CNTNAP5: variants seen among roughly 807,000 people sequenced by gnomAD.
The protein encoded by CNTNAP5 is contactin-associated protein-like 5.
A neutral mutation model predicts 150.2 loss-of-function variants in CNTNAP5; 72 were observed. That is an observed-to-expected ratio of 0.48 (90% CI 0.40 to 0.58). The LOEUF is 0.58. CNTNAP5 is among the 20% of genes least tolerant of loss of function. CNTNAP5 has a pLI of 0.00. For missense variants in CNTNAP5, 1,636 were observed against 1,626.2 expected (o/e 1.01, Z -0.10); for synonymous variants, 672 against 619.8 (o/e 1.08, Z -1.25).
At chr2:124,090,695 G>A (rs987020007) in intron 1 of CNTNAP5, among the ~76,000 whole-genome samples, 1 of 152,116 alleles carries the variant, frequency 6.6e-6, no homozygotes, top group African/African-American at 2.4e-5. Context: ...AAAGAAGAAG[G>A]AAGTAGGTAT....
intron 6 of CNTNAP5, among the ~76,000 whole-genome samples, chr2:124,465,978 A>C (rs77621012): frequency 6.6e-6 from 1 of 151,772 alleles, no homozygotes; most frequent in East Asian, 1.9e-4. Flanking sequence ...GAGAAGAGAC[A>C]AAAAAAAGTC....
intron 1 of CNTNAP5, among the ~76,000 whole-genome samples, chr2:124,147,033 C>A (rs1436414549): frequency 6.6e-6 from 1 of 152,038 alleles, no homozygotes; most frequent in Non-Finnish European, 1.5e-5. Flanking sequence ...GCATTTATAA[C>A]AAGTACTCTA....
chr2:124,087,064 A>G (rs1357331462), intron 1 of CNTNAP5, among the ~76,000 whole-genome samples: 1 of 151,838 alleles, frequency 6.6e-6, no homozygotes, highest in Non-Finnish European at 1.5e-5. Context: ...CAGTCTGAAT[A>G]AAATACAGAA....
intron 4 of CNTNAP5, among the ~76,000 whole-genome samples, chr2:124,419,149 A>AC (rs1190723866): frequency 6.6e-5 from 9 of 137,082 alleles, no homozygotes; most frequent in East Asian, 2.0e-4. Context: ...TCAAAAAAAA[A>AC]AAAAAAAAAA....
chr2:124,825,377 A>G (rs1456697183), intron 19 of CNTNAP5, among the ~76,000 whole-genome samples: 2 of 152,108 alleles, frequency 1.3e-5, no homozygotes, highest in Non-Finnish European at 1.5e-5. Flanking sequence ...GGATGTTTCT[A>G]TGTAATTATT....
At chr2:124,382,206 G>A (rs1690812946) in intron 3 of CNTNAP5, among the ~76,000 whole-genome samples, 2 of 152,140 alleles carry the variant, frequency 1.3e-5, no homozygotes, top group African/African-American at 2.4e-5. Context: ...GCTAGAATGA[G>A]CACTTGGCTT....
chr2:124,659,216 T>G (rs536582687), intron 13 of CNTNAP5, among the ~76,000 whole-genome samples: 1 of 152,360 alleles, frequency 6.6e-6, no homozygotes, highest in African/African-American at 2.4e-5. Context: ...GGGGTGCCTT[T>G]CTGAACATAA....
intron 13 of CNTNAP5, among the ~76,000 whole-genome samples, chr2:124,698,173 A>C (rs1313550152): frequency 6.6e-6 from 1 of 152,164 alleles, no homozygotes; most frequent in Non-Finnish European, 1.5e-5. Flanking sequence ...GCAGCATGCA[A>C]AATGGGTTTG....
At chr2:124,512,264 G>A (rs1429156767) in intron 8 of CNTNAP5, among the ~76,000 whole-genome samples, 2 of 152,014 alleles carry the variant, frequency 1.3e-5, no homozygotes, top group Admixed American at 1.3e-4. Flanking sequence ...GATGCACAGT[G>A]TACTGCCCTG....
chr2:124,178,071 TCCTGACCTTACGTGATCCA>T (rs1685111775), intron 1 of CNTNAP5, among the ~76,000 whole-genome samples: 1 of 152,110 alleles, frequency 6.6e-6, no homozygotes. Flanking sequence ...GGTCTCGAAC[TCCTGACCTTACGTGATCCA>T]CCCGCCTCGG....
chr2:124,891,938 G>A (rs1233342518), intron 21 of CNTNAP5, among the ~76,000 whole-genome samples: 3 of 152,038 alleles, frequency 2.0e-5, no homozygotes, highest in Non-Finnish European at 4.4e-5. Context: ...TCACAATTAT[G>A]GGCCCTTCAC....
At chr2:124,765,820 G>A (rs1681056193) in intron 16 of CNTNAP5, among the ~76,000 whole-genome samples, 1 of 151,928 alleles carries the variant, frequency 6.6e-6, no homozygotes, top group African/African-American at 2.4e-5. Flanking sequence ...TCCACGTGTG[G>A]TGCCAGGTGC....
chr2:124,914,567 A>T lies in CNTNAP5; in HGVS notation c.*279A>T, dbSNP rs114251543. On this transcript the variant is annotated 3_prime_UTR_variant, in exon 24 of 24. Coordinates refer to ENST00000682447, the MANE Select transcript of CNTNAP5 (RefSeq NM_001367498.1). ...AGACAAGGAAGAGACACATGTGTGCACTCCTGCATGTTCAGTTCTGTACTT... is the reference window on the plus strand; with the variant it reads ...AGACAAGGAAGAGACACATGTGTGCTCTCCTGCATGTTCAGTTCTGTACTT... 829 of 354,690 alleles carry T rather than the reference A, an allele frequency of 2.3e-3. 7 individuals carry two copies. Among genetic ancestry groups the T allele is most frequent in the African/African-American group, 0.013 (628 of 47,958 alleles). 22.0% of individuals were successfully genotyped at this position (354,690 alleles called of 1,614,324 possible).
chr2:124,221,601 G>A (rs771461179), intron 1 of CNTNAP5, 104 bp from the exon 2 acceptor site: 6 of 750,504 alleles, frequency 8.0e-6, no homozygotes, highest in South Asian at 1.7e-5. Context: ...TTCAGAGCAG[G>A]TGGTTAATAA....
At chr2:124,645,301 T>G (rs929008903) in intron 12 of CNTNAP5, among the ~76,000 whole-genome samples, 1 of 152,176 alleles carries the variant, frequency 6.6e-6, no homozygotes, top group Non-Finnish European at 1.5e-5. Context: ...TAATCTTAGG[T>G]TGGATGCAGT....
chr2:124,588,173 C>T (rs868460837), intron 11 of CNTNAP5, among the ~76,000 whole-genome samples: 7 of 92,576 alleles, frequency 7.6e-5, no homozygotes, highest in African/African-American at 1.9e-4. Context: ...TCCTTCCTTC[C>T]TTCCTTCTTT....
intron 19 of CNTNAP5, among the ~76,000 whole-genome samples, chr2:124,843,411 G>A (rs578048558): frequency 4.6e-5 from 7 of 151,666 alleles, no homozygotes; most frequent in East Asian, 3.9e-4. Flanking sequence ...TTATCCACTC[G>A]TTGATTGATG....
In CNTNAP5 at chr2:124,713,308, C is replaced by CCTTCCTT. The variant is rs1558746872; in HGVS notation, c.2078-33921_2078-33920insCTTCCTT. On this transcript the variant is annotated intron_variant, in intron 13 of 23. Coordinates refer to ENST00000682447, the MANE Select transcript of CNTNAP5 (RefSeq NM_001367498.1). ...TTCTTTCTTTCTTTCTTTCTTCTTTCTCTTTCTTTCCTTTCTTTCTTTCTT... is the reference window on the plus strand; with the variant it reads ...TTCTTTCTTTCTTTCTTTCTTCTTTCCTTCCTTTCTTTCTTTCCTTTCTTTCTTTCTT... Among the ~76,000 whole-genome samples, 46 of 57,398 alleles carry CCTTCCTT rather than the reference C, an allele frequency of 8.0e-4. 2 individuals carry two copies. Among genetic ancestry groups the CCTTCCTT allele is most frequent in the Non-Finnish European group, 1.4e-3 (36 of 25,884 alleles). The allele number at this position is 57,398 out of a possible 152,430, so 37.7% of individuals were successfully genotyped here.
chr2:124,573,661 A>G (rs985535119), intron 11 of CNTNAP5, among the ~76,000 whole-genome samples: 3 of 152,234 alleles, frequency 2.0e-5, no homozygotes, highest in African/African-American at 7.2e-5. Flanking sequence ...ATTAATTGCC[A>G]GAAAAATACA....
Sources: gnomAD v4.1 joint callset for allele counts (sites outside exome capture counted in the v4.1 genomes callset) on GRCh38, gnomAD v4.1.1 for gene constraint, MANE v1.5 for transcripts, NCBI Gene and HGNC (gene_info 2026-07-23, HGNC 2026-07-21) for gene names.